The following TNNI3K variants were observed in gnomAD, a reference collection of about 807,000 sequenced individuals.
TNNI3K encodes the protein TNNI3 interacting kinase.
TNNI3K carries 140 observed loss-of-function variants against 114.5 expected under a neutral mutation model. The ratio of observed to expected loss-of-function variants is 1.22; its 90% CI spans 1.07 to 1.41. TNNI3K has a LOEUF of 1.41. Among genes scored for constraint, TNNI3K ranks in the 40% most tolerant of loss-of-function variants. The probability of loss-of-function intolerance (pLI) is 0.00; values close to 1 mark genes in which losing one functional copy is unlikely to be tolerated. For missense variants in TNNI3K, 1,125 were observed against 1,007.6 expected (o/e 1.12, Z -1.58); for synonymous variants, 347 against 347.5 (o/e 1.00, Z 0.02).
intron 17 of TNNI3K, chr1:74,374,779 G>A (rs1258557139): frequency 6.6e-6 from 1 of 151,886 alleles, no homozygotes; most frequent in African/African-American, 2.4e-5. Context: ...TCTCTAATTT[G>A]CTGTAGACCT....
At chr1:74,364,969 A>T (rs912530320) in intron 11 of TNNI3K, among the ~76,000 whole-genome samples, 34 of 152,110 alleles carry the variant, frequency 2.2e-4, no homozygotes, top group African/African-American at 8.2e-4. Flanking sequence ...TCAAGTCACT[A>T]TGTTTGTCAT....
At chr1:74,482,541 C>A (rs1668559442) in intron 21 of TNNI3K, among the ~76,000 whole-genome samples, 1 of 152,144 alleles carries the variant, frequency 6.6e-6, no homozygotes. Context: ...ACAACATCTA[C>A]CTCCTAATTA....
chr1:74,315,760 T>G (rs1306121596), intron 5 of TNNI3K, among the ~76,000 whole-genome samples: 1 of 152,174 alleles, frequency 6.6e-6, no homozygotes, highest in African/African-American at 2.4e-5. Context: ...CCTTAAGAGT[T>G]CATGCTATCT....
At chr1:74,485,088 T>C (rs867619360) in intron 21 of TNNI3K, among the ~76,000 whole-genome samples, 1 of 152,178 alleles carries the variant, frequency 6.6e-6, no homozygotes, top group African/African-American at 2.4e-5. Flanking sequence ...AAATAAACCA[T>C]TGTATCAAAG....
chr1:74,479,241 C>T (rs1009742851), intron 21 of TNNI3K, among the ~76,000 whole-genome samples: 1 of 152,162 alleles, frequency 6.6e-6, no homozygotes, highest in Non-Finnish European at 1.5e-5. Flanking sequence ...AAAACACACA[C>T]ATCGAGCTAG....
chr1:74,307,544 G>A (rs568696790), intron 5 of TNNI3K, among the ~76,000 whole-genome samples: 2 of 152,110 alleles, frequency 1.3e-5, no homozygotes, highest in East Asian at 3.9e-4. Flanking sequence ...ACAAATAAGG[G>A]CATTATATAA....
rs200469447 is a variant in TNNI3K at position 74,235,486 on chromosome 1, G to A, written c.35G>A (p.Cys12Tyr). ...GNYKSRPTQT[C>Y]TDEWKKKVSE... Reference sequence around the variant, plus strand: ...TATAAATCTAGACCAACCCAAACTTGTACTGGTAATTATTCTAATTATTCT... The same window carrying A: ...TATAAATCTAGACCAACCCAAACTTATACTGGTAATTATTCTAATTATTCT... Residue 12 changes from cysteine to tyrosine, a missense_variant, in exon 1 of 25, where the codon TGT (cysteine) becomes TAT (tyrosine). Coordinates refer to ENST00000326637, the MANE Select transcript of TNNI3K (RefSeq NM_015978.3). The A allele has an allele frequency of 1.3e-5, 19 of 1,455,164 alleles. No individual in the cohort carries two copies. The highest frequency in any genetic ancestry group is 1.6e-5 in the Non-Finnish European group (17 of 1,055,006). The allele number at this position is 1,455,164 out of a possible 1,614,324, so 90.1% of individuals were successfully genotyped here. A position where few individuals can be genotyped will look rare whatever the true frequency, so the allele number is the denominator to read the frequency against.
chr1:74,314,087 A>G (rs1659159392), intron 5 of TNNI3K, among the ~76,000 whole-genome samples: 1 of 103,588 alleles, frequency 9.7e-6, no homozygotes, highest in African/African-American at 3.9e-5. Context: ...ATATGTATAT[A>G]TATGTATATA....
At chr1:74,504,514 A>C (rs558369260) in intron 23 of TNNI3K, among the ~76,000 whole-genome samples, 1 of 152,290 alleles carries the variant, frequency 6.6e-6, no homozygotes, top group South Asian at 2.1e-4. Context: ...GCCTTTCGCC[A>C]TGAAAAATGT....
chr1:74,405,796 G>A (rs1227254707), intron 17 of TNNI3K, among the ~76,000 whole-genome samples: 15 of 152,138 alleles, frequency 9.9e-5, no homozygotes, highest in Admixed American at 3.3e-4. Context: ...AGCCAACTGA[G>A]GTGTTATTAT....
intron 20 of TNNI3K, among the ~76,000 whole-genome samples, chr1:74,454,640 C>CA (rs1421986744): frequency 6.6e-6 from 1 of 152,126 alleles, no homozygotes; most frequent in East Asian, 1.9e-4. Context: ...TAGGCTGGTT[C>CA]AAAATCTTTA....
At chr1:74,362,224 T>G (rs1662005617) in intron 11 of TNNI3K, among the ~76,000 whole-genome samples, 1 of 152,100 alleles carries the variant, frequency 6.6e-6, no homozygotes, top group South Asian at 2.1e-4. Context: ...TTTAACATAA[T>G]GGGAAGGGGA....
intron 17 of TNNI3K, chr1:74,375,386 C>A: frequency 3.9e-6 from 1 of 255,872 alleles, no homozygotes; most frequent in Non-Finnish European, 8.3e-6. Flanking sequence ...CAAAACAAAC[C>A]TCTTTCCTGC....
At chr1:74,434,502 T>C (rs1666035088) in intron 17 of TNNI3K, among the ~76,000 whole-genome samples, 1 of 151,980 alleles carries the variant, frequency 6.6e-6, no homozygotes, top group South Asian at 2.1e-4. Flanking sequence ...CACATATTTA[T>C]ACACTTACTA....
At chr1:74,369,727 A>G (rs1662494644) in intron 16 of TNNI3K, 142 bp downstream of exon 16, 1 of 922,014 alleles carries the variant, frequency 1.1e-6, no homozygotes, top group Admixed American at 3.3e-5. Flanking sequence ...TAATATCGCT[A>G]ATAATTTATG....
intron 5 of TNNI3K, among the ~76,000 whole-genome samples, chr1:74,273,325 G>A (rs1332153284): frequency 6.6e-6 from 1 of 151,712 alleles, no homozygotes; most frequent in African/African-American, 2.4e-5. Context: ...ATGAGGAAAG[G>A]GGAAATTCCA....
In TNNI3K at chr1:74,298,087, G is replaced by A. The variant is rs548990884; in HGVS notation, c.444+26379G>A. On this transcript the variant is annotated intron_variant, in intron 5 of 24. Coordinates refer to ENST00000326637, the MANE Select transcript of TNNI3K (RefSeq NM_015978.3). ...TTTCAGGATCTCATCAAATAAGTCA[G>A]GTCTAAGTGTGAATGAGGATCCACA... Among the ~76,000 whole-genome samples the A allele has an allele frequency of 2.6e-5, 4 of 152,184 alleles. No individual in the cohort carries two copies. The East Asian group carries it at 5.8e-4, about 22-fold the overall frequency.
At chr1:74,254,697 C>T (rs532739044) in intron 4 of TNNI3K, among the ~76,000 whole-genome samples, 3 of 152,266 alleles carry the variant, frequency 2.0e-5, no homozygotes, top group East Asian at 3.9e-4. Flanking sequence ...AAAGGGGTCC[C>T]GATCCAGGCC....
rs763734400 is a variant in TNNI3K, at chr1:74,343,159, C to A, written c.912C>A (p.Phe304Leu). ...GTESLTKENI[F>L]SETAFHSACT... Reference sequence around the variant, plus strand: ...AAAGTCTGACTAAGGAAAACATCTTCAGTGAAACAGCTTTTCATAGGTAAA... The same window carrying A: ...AAAGTCTGACTAAGGAAAACATCTTAAGTGAAACAGCTTTTCATAGGTAAA... Residue 304 changes from phenylalanine (F) to leucine (L), a missense_variant, in exon 9 of 25, where the codon TTC becomes TTA. Transcript: ENST00000326637. The A allele has an allele frequency of 2.5e-6, 4 of 1,612,300 alleles. No homozygotes were observed. In the African/African-American group the frequency reaches 5.3e-5, roughly 22 times the overall value.
Sources: allele counts gnomAD v4.1 joint callset (sites outside exome capture counted in the v4.1 genomes callset), GRCh38; gene constraint gnomAD v4.1.1; transcripts MANE v1.5; gene names NCBI Gene and HGNC (gene_info 2026-07-23, HGNC 2026-07-21).